Variants in ARIH1 observed in about 807,000 individuals in gnomAD.
ARIH1 encodes the protein E3 ubiquitin-protein ligase ARIH1.
ARIH1 carries 8 observed loss-of-function variants against 85.0 expected under a neutral mutation model. That is an observed-to-expected ratio of 0.09 (90% CI 0.06 to 0.17). The LOEUF (loss-of-function observed/expected upper bound fraction) is 0.17. ARIH1 is among the 10% of genes least tolerant of loss of function. The pLI, the probability that ARIH1 is intolerant of heterozygous loss-of-function variation, is 1.00. For missense variants in ARIH1, 311 were observed against 718.1 expected, an observed-to-expected ratio of 0.43 and a Z score of 6.48; for synonymous variants, 238 against 253.6, an observed-to-expected ratio of 0.94 and a Z score of 0.59.
chr15:72,518,712 T>G (rs565066534), intron 2 of ARIH1, among the ~76,000 whole-genome samples: 1 of 148,130 alleles, frequency 6.8e-6, no homozygotes, highest in African/African-American at 2.5e-5. Flanking sequence ...CACTTTAACC[T>G]GGGAGGCGGA....
chr15:72,511,913 T>G (rs1243376872), intron 1 of ARIH1, among the ~76,000 whole-genome samples: 1 of 151,814 alleles, frequency 6.6e-6, no homozygotes, highest in African/African-American at 2.4e-5. Flanking sequence ...GTCAAATGCT[T>G]TATTTATATC....
At chr15:72,537,535 A>G (rs892083963) in intron 2 of ARIH1, among the ~76,000 whole-genome samples, 9 of 152,198 alleles carry the variant, frequency 5.9e-5, no homozygotes, top group East Asian at 1.9e-4. Context: ...TAAGACAGTC[A>G]TCTTCATACC....
chr15:72,592,946 T>G lies in ARIH1; in HGVS notation c.*9654T>G, dbSNP rs1292446269. 2 of 152,130 alleles carry G rather than the reference T, an allele frequency of 1.3e-5. No individual in the cohort carries two copies. Among genetic ancestry groups the G allele is most frequent in the South Asian group, 2.1e-4 (1 of 4,830 alleles). The allele number at this position is 152,130 out of a possible 1,614,324, so 9.4% of individuals were successfully genotyped here. A position where few individuals can be genotyped will look rare whatever the true frequency, so the allele number is the denominator to read the frequency against. On this transcript the variant is annotated 3_prime_UTR_variant, in exon 14 of 14. Coordinates refer to ENST00000379887, the MANE Select transcript of ARIH1 (RefSeq NM_005744.5). ...GTCTTGGATAAATAAGAGTAGAAAA[T>G]TACTGGGTCATATGGTAAGTGCATG...
chr15:72,478,403 C>T (rs1360531710), intron 1 of ARIH1, among the ~76,000 whole-genome samples: 1 of 152,180 alleles, frequency 6.6e-6, no homozygotes, highest in African/African-American at 2.4e-5. Flanking sequence ...AGTCTTGAGC[C>T]ACCGCGCCCA....
intron 2 of ARIH1, among the ~76,000 whole-genome samples, chr15:72,535,810 A>G (rs771562705): frequency 6.6e-6 from 1 of 151,950 alleles, no homozygotes; most frequent in African/African-American, 2.4e-5. Context: ...AGAGGTGGAC[A>G]AAAAAAGCCA....
chr15:72,503,486 T>G (rs560509241), intron 1 of ARIH1, among the ~76,000 whole-genome samples: 1 of 152,300 alleles, frequency 6.6e-6, no homozygotes, highest in African/African-American at 2.4e-5. Context: ...TTCTTATGAT[T>G]TCAGTTCTGT....
At chr15:72,544,431 C>T (rs528350918) in intron 2 of ARIH1, among the ~76,000 whole-genome samples, 2 of 152,124 alleles carry the variant, frequency 1.3e-5, no homozygotes, top group South Asian at 2.1e-4. Context: ...CAACTTTAAT[C>T]CTTAAGTTTT....
At chr15:72,485,543 AAAG>A (rs1212039546) in intron 1 of ARIH1, among the ~76,000 whole-genome samples, 1 of 151,966 alleles carries the variant, frequency 6.6e-6, no homozygotes, top group Non-Finnish European at 1.5e-5. Context: ...TTTTTAATGG[AAAG>A]AAAATCTACT....
Position 72,591,990 on chromosome 15 carries a change from C to G in ARIH1, c.*8698C>G, listed in dbSNP as rs1018428710. ...GATTTTGTATCCCAAAATCCTAGTA[C>G]TAATTTGGAGTGTTGTAAAGGTCAG... On this transcript the variant is annotated 3_prime_UTR_variant, in exon 14 of 14. Transcript: ENST00000379887. The G allele has an allele frequency of 6.6e-6, 1 of 152,148 alleles. No homozygotes were observed. Among genetic ancestry groups the G allele is most frequent in the Non-Finnish European group, 1.5e-5 (1 of 68,036 alleles). 9.4% of individuals were successfully genotyped at this position (152,148 alleles called of 1,614,324 possible).
chr15:72,538,491 T>C (rs1298405430), intron 2 of ARIH1, among the ~76,000 whole-genome samples: 1 of 152,226 alleles, frequency 6.6e-6, no homozygotes, highest in Admixed American at 6.5e-5. Context: ...TGTTGGTCTT[T>C]ATGAAGTATG....
intron 1 of ARIH1, among the ~76,000 whole-genome samples, chr15:72,506,990 A>G (rs988843411): frequency 4.0e-4 from 5 of 12,462 alleles, no homozygotes; most frequent in African/African-American, 4.6e-4. Context: ...TTATGTATGT[A>G]TGTATGTATG....
Position 72,555,251 on chromosome 15 carries a change from A to G in ARIH1, c.589-20A>G, listed in dbSNP as rs780797243. 2 of 1,567,240 alleles carry G rather than the reference A, an allele frequency of 1.3e-6. No homozygotes were observed. Among genetic ancestry groups the G allele is most frequent in the Non-Finnish European group, 1.8e-6 (2 of 1,138,028 alleles). ...TTCTGATAATACCTTTGTTAAGTTCATGTTTTGTTTTTCTTACAGTATTTC... is the reference window on the plus strand; with the variant it reads ...TTCTGATAATACCTTTGTTAAGTTCGTGTTTTGTTTTTCTTACAGTATTTC... On this transcript the variant is annotated intron_variant, in intron 3 of 13. Coordinates refer to ENST00000379887, the MANE Select transcript of ARIH1 (RefSeq NM_005744.5).
At chr15:72,539,430 T>C (rs1232742768) in intron 2 of ARIH1, among the ~76,000 whole-genome samples, 1 of 149,294 alleles carries the variant, frequency 6.7e-6, no homozygotes, top group African/African-American at 2.5e-5. Flanking sequence ...CAACAGAAGG[T>C]GAAAAGGGAA....
intron 2 of ARIH1, among the ~76,000 whole-genome samples, chr15:72,536,529 G>A (rs111329655): frequency 1.3e-5 from 2 of 152,100 alleles, no homozygotes; most frequent in African/African-American, 2.4e-5. Context: ...AAGCTGAATG[G>A]GGGGGATGTA....
intron 2 of ARIH1, among the ~76,000 whole-genome samples, chr15:72,542,372 C>T (rs2064111106): frequency 6.6e-6 from 1 of 152,164 alleles, no homozygotes; most frequent in Non-Finnish European, 1.5e-5. Flanking sequence ...TACTCTTCCT[C>T]TTTGCATACT....
At chr15:72,574,227 A>T (rs1277059788) in intron 11 of ARIH1, among the ~76,000 whole-genome samples, 2 of 152,222 alleles carry the variant, frequency 1.3e-5, no homozygotes, top group Non-Finnish European at 2.9e-5. Context: ...TAGATTCTAG[A>T]TACTAAAATA....
chr15:72,521,229 G>A (rs1354924597), intron 2 of ARIH1, among the ~76,000 whole-genome samples: 2 of 107,424 alleles, frequency 1.9e-5, no homozygotes, highest in African/African-American at 3.9e-5. Context: ...TGGCTAATTC[G>A]CTTTTTGCAT....
intron 2 of ARIH1, among the ~76,000 whole-genome samples, chr15:72,539,138 G>A (rs951489680): frequency 2.0e-5 from 3 of 152,180 alleles, no homozygotes; most frequent in Non-Finnish European, 4.4e-5. Context: ...CATTAAAGAT[G>A]CCTCAACTAC....
intron 1 of ARIH1, among the ~76,000 whole-genome samples, chr15:72,478,648 A>G (rs770878053): frequency 1.3e-5 from 2 of 152,148 alleles, no homozygotes; most frequent in Non-Finnish European, 2.9e-5. Context: ...CTTGAACTCC[A>G]CTTCCAGAGA....
Sources: allele counts gnomAD v4.1 joint callset (sites outside exome capture counted in the v4.1 genomes callset), GRCh38; gene constraint gnomAD v4.1.1; transcripts MANE v1.5; gene names NCBI Gene and HGNC (gene_info 2026-07-23, HGNC 2026-07-21).